ZNF665: variants seen among roughly 807,000 people sequenced by gnomAD.
The protein encoded by ZNF665 is zinc finger protein 665.
Under a neutral mutation model 7.9 loss-of-function variants are expected in ZNF665, and 6 were observed. That is an observed-to-expected ratio of 0.76 (90% CI 0.42 to 1.50). The LOEUF is 1.50. Ranked by LOEUF, ZNF665 falls within the 40% of genes most tolerant of loss-of-function variation. ZNF665 has a pLI of 0.01. For synonymous variants in ZNF665, 242 were observed against 274.5 expected (o/e 0.88, Z 1.17); for missense variants, 819 against 806.7 (o/e 1.02, Z -0.18).
chr19:53,192,951 G>A (rs2146901469), intron 1 of ZNF665, among the ~76,000 whole-genome samples: 1 of 152,316 alleles, frequency 6.6e-6, no homozygotes, highest in South Asian at 2.1e-4. Flanking sequence ...CGGGACTGGG[G>A]CTGCGGCGCT....
chr19:53,178,886 A>G (rs2090716813), intron 2 of ZNF665, among the ~76,000 whole-genome samples: 1 of 152,238 alleles, frequency 6.6e-6, no homozygotes, highest in South Asian at 2.1e-4. Flanking sequence ...GAAGACAACC[A>G]GCTGGCAGGG....
chr19:53,175,296 C>A, intron 3 of ZNF665, 149 bp downstream of exon 3: 15 of 1,019,696 alleles, frequency 1.5e-5, no homozygotes, highest in East Asian at 2.9e-5. Flanking sequence ...AGATTAAAGT[C>A]CAGATCCTGC....
In ZNF665 at chr19:53,170,888, T is replaced by C. The variant is rs8106903; in HGVS notation, c.143-4541A>G. On this transcript the variant is annotated intron_variant, in intron 3 of 3. Coordinates refer to ENST00000396424, the MANE Select transcript of ZNF665 (RefSeq NM_024733.5). The stretch of plus-strand genomic sequence containing the variant: ...AAACTTAACCACTAATAGCCTACGA[T>C]TGACTGGAAGCTTTACTAATAAACA... Among the ~76,000 whole-genome samples, 622 of 152,328 alleles carry C rather than the reference T, an allele frequency of 4.1e-3. 2 individuals carry two copies. The highest frequency in any genetic ancestry group is 0.014 in the African/African-American group (567 of 41,580).
At chr19:53,166,368 T>G in intron 3 of ZNF665, 21 bp from the exon 4 acceptor site, 1 of 1,521,012 alleles carries the variant, frequency 6.6e-7, no homozygotes, top group Non-Finnish European at 8.8e-7. Flanking sequence ...TAAACAACCA[T>G]AGATTTCCAG....
Position 53,166,358 on chromosome 19 carries a change from T to C in ZNF665, c.143-11A>G. 2 of 1,533,386 alleles carry C rather than the reference T, an allele frequency of 1.3e-6. No homozygotes were observed. The highest frequency in any genetic ancestry group is 1.7e-6 in the Non-Finnish European group (2 of 1,142,964). The allele number at this position is 1,533,386 out of a possible 1,614,324, so 95.0% of individuals were successfully genotyped here. ...ATTTACAAGAGATATCTGTAAGATATAAACAACCATAGATTTCCAGTTAAC... is the reference window on the plus strand; with the variant it reads ...ATTTACAAGAGATATCTGTAAGATACAAACAACCATAGATTTCCAGTTAAC... On this transcript the variant is annotated splice_polypyrimidine_tract_variant and intron_variant, in intron 3 of 3. Coordinates refer to ENST00000396424, the MANE Select transcript of ZNF665 (RefSeq NM_024733.5).
chr19:53,176,217 G>A (rs1026760659), intron 2 of ZNF665, among the ~76,000 whole-genome samples: 1 of 151,976 alleles, frequency 6.6e-6, no homozygotes, highest in African/African-American at 2.4e-5. Flanking sequence ...GGACTTCCAG[G>A]CTCAATCTCC....
chr19:53,171,524 A>ATATATATATATATATATTTT (rs372855271), intron 3 of ZNF665, among the ~76,000 whole-genome samples: 1 of 69,318 alleles, frequency 1.4e-5, no homozygotes, highest in Non-Finnish European at 2.6e-5. Context: ...ATATATATAT[A>ATATATATATATATATATTTT]TTTTTTTTTT....
At chr19:53,181,475 A>G (rs1012118415) in intron 2 of ZNF665, 15 of 152,032 alleles carry the variant, frequency 9.9e-5, no homozygotes, top group African/African-American at 3.4e-4. Flanking sequence ...GCTAAAGCCC[A>G]CTTCAGAGCA....
In ZNF665 at chr19:53,165,573, G is replaced by A; in HGVS notation, c.917C>T (p.Ala306Val). 6.2e-7 allele frequency: 1 copy of A among 1,614,156 alleles called. No individual in the cohort carries two copies. Among genetic ancestry groups the A allele is most frequent in the Non-Finnish European group, 8.5e-7 (1 of 1,180,038 alleles). The change falls in exon 4 of 4, where the codon GCA becomes GTA. Residue 306 changes from alanine (A) to valine (V), a missense_variant. Ala to Val is a moderately conservative substitution (Grantham distance 64). Coordinates refer to ENST00000396424, the MANE Select transcript of ZNF665 (RefSeq NM_024733.5). ...GKCFTQNSHLASHRRIHTGEK... is the reference protein window; with the variant it reads ...GKCFTQNSHLVSHRRIHTGEK... ...CCCAGTATGAATTCTTCGATGACTT[G>A]CAAGGTGTGAATTTTGAGTGAAGCA...
At chr19:53,168,531 A>T (rs571435607) in intron 3 of ZNF665, among the ~76,000 whole-genome samples, 30 of 152,328 alleles carry the variant, frequency 2.0e-4, no homozygotes, top group African/African-American at 6.7e-4. Context: ...AACACTCCCC[A>T]TTTAGCCTAT....
Position 53,165,971 on chromosome 19 carries a change from A to G in ZNF665, c.519T>C (p.Asn173=), listed in dbSNP as rs1472316254. 1 of 1,613,786 alleles carries G rather than the reference A, an allele frequency of 6.2e-7. No homozygotes were observed. Among genetic ancestry groups the G allele is most frequent in the East Asian group, 2.2e-5 (1 of 44,862 alleles). ...EYNQVEKSPN[N]RGKHYKCDEC... ...CATCACATTTATAATGTTTTCCTCG[A>G]TTATTAGGAGACTTCTCAACTTGAT... The change falls in exon 4 of 4, where the codon AAT becomes AAC. Residue 173 remains asparagine, a synonymous_variant. Transcript: ENST00000396424.
chr19:53,167,381 TC>T (rs901975718), intron 3 of ZNF665, among the ~76,000 whole-genome samples: 3 of 151,836 alleles, frequency 2.0e-5, no homozygotes, highest in African/African-American at 7.3e-5. Flanking sequence ...TTTTAGCAAC[TC>T]AGGATATAAG....
chr19:53,164,674 C>A lies in ZNF665; in HGVS notation c.1816G>T (p.Val606Phe). Reference protein sequence around the residue: ...KPYKCNECGKVFTQNSHLANH... With the variant: ...KPYKCNECGKFFTQNSHLANH... ...GCAAGATGTGAATTTTGAGTGAAGA[C>A]CTTGCCACATTCATTACATTTGTAA... Residue 606 changes from valine (V) to phenylalanine (F), a missense_variant, in exon 4 of 4, where the codon GTC (valine) becomes TTC (phenylalanine). Coordinates refer to ENST00000396424, the MANE Select transcript of ZNF665 (RefSeq NM_024733.5). The A allele has an allele frequency of 6.2e-7, 1 of 1,612,762 alleles. No homozygotes were observed. The highest frequency in any genetic ancestry group is 8.5e-7 in the Non-Finnish European group (1 of 1,178,910).
At chr19:53,168,111 C>T (rs150730337) in intron 3 of ZNF665, among the ~76,000 whole-genome samples, 339 of 138,218 alleles carry the variant, frequency 2.5e-3, no homozygotes, top group African/African-American at 8.9e-3. Context: ...AGGAGTTCTA[C>T]TTCAGAACCA....
rs60689265 is a variant in ZNF665, at chr19:53,189,051, C to CTGTGTGTGTGTGTGTGTGTG, written c.-46+4241_-46+4260dup. On this transcript the variant is annotated intron_variant, in intron 1 of 3. Transcript: ENST00000396424. ...AGATGAGAAAGAAAGGCTTTATTTT[C>CTGTGTGTGTGTGTGTGTGTG]TGTGTGTGTGTGTGTGTGTGTGTGT... 4.1e-4 allele frequency among the ~76,000 whole-genome samples: 56 copies of CTGTGTGTGTGTGTGTGTGTG among 137,750 alleles called. 1 individual carries two copies. Among genetic ancestry groups the CTGTGTGTGTGTGTGTGTGTG allele is most frequent in the East Asian group, 1.8e-3 (8 of 4,534 alleles). 90.4% of individuals were successfully genotyped at this position (137,750 alleles called of 152,430 possible).
At chr19:53,185,072 G>A (rs1053246547) in intron 1 of ZNF665, among the ~76,000 whole-genome samples, 15 of 152,042 alleles carry the variant, frequency 9.9e-5, no homozygotes, top group African/African-American at 3.6e-4. Flanking sequence ...CGTGACCACC[G>A]AAGCACAGCA....
rs747526960 is a variant in ZNF665, at chr19:53,166,211, T to C, written c.279A>G (p.Lys93=). 1 of 1,613,990 alleles carries C rather than the reference T, an allele frequency of 6.2e-7. No individual in the cohort carries two copies. Among genetic ancestry groups the C allele is most frequent in the Admixed American group, 1.7e-5 (1 of 60,012 alleles). Residue 93 remains lysine (K), a synonymous_variant, in exon 4 of 4, where the codon AAA becomes AAG. Coordinates refer to ENST00000396424, the MANE Select transcript of ZNF665 (RefSeq NM_024733.5). ...ACTGACACTCAAAGTCGTATGTATTTTTCTGAACTTCCTGGAAGGACAAGC... is the reference window on the plus strand; with the variant it reads ...ACTGACACTCAAAGTCGTATGTATTCTTCTGAACTTCCTGGAAGGACAAGC... ...TVGLSFQEVQ[K]NTYDFECQWK... is the part of the protein sequence containing the mutation.
intron 2 of ZNF665, 25 bp downstream of exon 2, chr19:53,182,859 C>A (rs568537663): frequency 6.2e-7 from 1 of 1,613,246 alleles, no homozygotes; most frequent in Admixed American, 1.7e-5. Flanking sequence ...GGAGACAGAA[C>A]AATCCACCGA....
intron 3 of ZNF665, among the ~76,000 whole-genome samples, chr19:53,168,751 T>C (rs1018492398): frequency 1.3e-5 from 2 of 152,152 alleles, no homozygotes; most frequent in African/African-American, 4.8e-5. Context: ...AAATATCAAA[T>C]AGATCAATGG....
Sources: gnomAD v4.1 joint callset for allele counts (sites outside exome capture counted in the v4.1 genomes callset) on GRCh38, gnomAD v4.1.1 for gene constraint, MANE v1.5 for transcripts, NCBI Gene and HGNC (gene_info 2026-07-23, HGNC 2026-07-21) for gene names.